The following WDR4 variants were observed in gnomAD, a reference collection of about 807,000 sequenced individuals.
WDR4 encodes tRNA (guanine-N(7)-)-methyltransferase non-catalytic subunit WDR4.
In WDR4, 47 loss-of-function variants were observed where a neutral mutation model predicts 48.6. The observed-to-expected ratio is 0.97, with a 90% CI of 0.77 to 1.23. The LOEUF is 1.23. WDR4 is among the 50% of genes most tolerant of loss of function. WDR4 has a pLI of 0.00. For synonymous variants in WDR4, 268 were observed against 230.0 expected (o/e 1.17, Z -1.49); for missense variants, 606 against 551.6 (o/e 1.10, Z -0.99).
the WDR4 span, among the ~76,000 whole-genome samples, chr21:42,891,278 C>T: frequency 6.6e-6 from 1 of 151,612 alleles, no homozygotes; most frequent in African/African-American, 2.4e-5. Flanking sequence ...GCCGAGATTG[C>T]CCCTGCGCCA....
At position 42,859,679 on chromosome 21, in the gene WDR4, G is replaced by A. The variant is rs199879005; in HGVS notation, c.610C>T (p.Leu204Phe). 1.4e-5 allele frequency: 21 copies of A among 1,505,744 alleles called. No homozygotes were observed. Among genetic ancestry groups the A allele is most frequent in the African/African-American group, 7.1e-5 (5 of 70,402 alleles). The allele number at this position is 1,505,744 out of a possible 1,614,324, so 93.3% of individuals were successfully genotyped here. Residue 204 changes from leucine to phenylalanine, a missense_variant, in exon 6 of 11, where the codon CTT (leucine) becomes TTT (phenylalanine). Transcript: ENST00000398208. ...ACACTTACCCCAGAGGAGGACAGAA[G>A]CAGCCCGGGCTGAGTTGGCACCACG... is the stretch of plus-strand genomic sequence containing the variant. ...ISVVPTQPGL[L>F]LSSSGDGTLR...
At chr21:42,846,718 G>C (rs2057714031), downstream of WDR4, among the ~76,000 whole-genome samples, 1 of 151,996 alleles carries the variant, frequency 6.6e-6, no homozygotes, top group Non-Finnish European at 1.5e-5. Context: ...CTGGAAGAAA[G>C]TGCTTAGAAT....
In WDR4 at chr21:42,853,799, G is replaced by A. The variant is rs375285955; in HGVS notation, c.792-47C>T. 139 of 1,519,502 alleles carry A rather than the reference G, an allele frequency of 9.1e-5. No individual in the cohort carries two copies. In the African/African-American group the frequency reaches 1.7e-3, roughly 19 times the overall value. 94.1% of individuals were successfully genotyped at this position (1,519,502 alleles called of 1,614,324 possible). A position where few individuals can be genotyped will look rare whatever the true frequency, so the allele number is the denominator to read the frequency against. ...ATGATTACTAGGACTGCAGGCCCAC[G>A]GGCTCCGCTCTGCAGCCAGCACCCC... On this transcript the variant is annotated intron_variant, in intron 8 of 10. Transcript: ENST00000398208.
chr21:42,889,937 C>A, the WDR4 span, among the ~76,000 whole-genome samples: 1 of 151,996 alleles, frequency 6.6e-6, no homozygotes, highest in Non-Finnish European at 1.5e-5. Flanking sequence ...CAATTTTAGG[C>A]CCATGTGCAA....
At chr21:42,859,551 C>A in intron 6 of WDR4, 111 bp downstream of exon 6, 3 of 624,882 alleles carry the variant, frequency 4.8e-6, no homozygotes, top group South Asian at 2.0e-5. Context: ...TGGACAGCCA[C>A]AGCCAGCCAG....
In WDR4 at chr21:42,854,634, GAGA is replaced by G. The variant is rs762681235; in HGVS notation, c.727-11_727-9del. 16 of 1,613,054 alleles carry G rather than the reference GAGA, an allele frequency of 9.9e-6. No individual in the cohort carries two copies. The highest frequency in any genetic ancestry group is 1.6e-4 in the Middle Eastern group (1 of 6,080). ...CCTGGACGCGGCAAACTTCTAAAAG[GAGA>G]AGAAGCCCATTAACTTCACGCCACC... On this transcript the variant is annotated splice_polypyrimidine_tract_variant and intron_variant, in intron 7 of 10. Transcript: ENST00000398208.
intron 2 of WDR4, 22 bp from the exon 3 acceptor site, chr21:42,873,713 C>T (rs2058425978): frequency 2.5e-6 from 4 of 1,608,326 alleles, no homozygotes; most frequent in South Asian, 1.1e-5. Flanking sequence ...AGGAGGAAGA[C>T]GGTTAAGCTT....
chr21:42,859,218 G>C (rs1006337443), intron 6 of WDR4, among the ~76,000 whole-genome samples: 2 of 151,198 alleles, frequency 1.3e-5, no homozygotes, highest in Admixed American at 6.6e-5. Flanking sequence ...TTTGAAACCA[G>C]CCTGAAAAAT....
chr21:42,868,827 T>A (rs188277068), intron 3 of WDR4, among the ~76,000 whole-genome samples: 1 of 152,234 alleles, frequency 6.6e-6, no homozygotes, highest in East Asian at 1.9e-4. Context: ...TTGTCACACA[T>A]TGGTGCCAGT....
At chr21:42,860,844 C>G (rs1257735435) in intron 5 of WDR4, among the ~76,000 whole-genome samples, 2 of 152,222 alleles carry the variant, frequency 1.3e-5, no homozygotes, top group African/African-American at 4.8e-5. Context: ...CACACACCAA[C>G]AGGCCCAACA....
At chr21:42,885,119 T>C in the WDR4 span, among the ~76,000 whole-genome samples, 1 of 152,154 alleles carries the variant, frequency 6.6e-6, no homozygotes, top group Non-Finnish European at 1.5e-5. Context: ...CATTGAACTG[T>C]TATATTCTAC....
chr21:42,879,621 G>T, upstream of WDR4: 1 of 1,203,672 alleles, frequency 8.3e-7, no homozygotes, highest in Non-Finnish European at 1.2e-6. Context: ...GCATGCTCAA[G>T]GACGAGCCTG....
At chr21:42,855,859 G>A (rs2057976981) in intron 6 of WDR4, 79 bp from the exon 7 acceptor site, 1 of 1,211,350 alleles carries the variant, frequency 8.3e-7, no homozygotes, top group Admixed American at 2.5e-5. Flanking sequence ...ACAGCTGCGT[G>A]TGGTCGGGGT....
chr21:42,847,776 C>T (rs143825992), downstream of WDR4, among the ~76,000 whole-genome samples: 127 of 152,346 alleles, frequency 8.3e-4, 1 homozygote, highest in Non-Finnish European at 1.5e-3. Context: ...AAAAGCCATT[C>T]ACAGGCCATC....
intron 8 of WDR4, 72 bp downstream of exon 8, chr21:42,854,490 T>C (rs1163325154): frequency 6.0e-6 from 9 of 1,510,252 alleles, no homozygotes; most frequent in Non-Finnish European, 8.0e-6. Flanking sequence ...CGTGGGCCAG[T>C]GGCCAACCCG....
Position 42,876,704 on chromosome 21 carries a change from T to G in WDR4, c.153A>C (p.Lys51Asn). Residue 51 changes from lysine to asparagine, a missense_variant and splice_region_variant, in exon 2 of 11, where the codon AAA becomes AAC. Lys to Asn is a moderately conservative substitution (Grantham distance 94). Coordinates refer to ENST00000398208, the MANE Select transcript of WDR4 (RefSeq NM_018669.6). ...GAAAAAGCTTCCCCACATCTCACCC[T>G]TTATTTTCTTGTGACTTCTTTTCTG... ...SAAEKKSQENKGEDAPLDQGS... is the reference protein window; with the variant it reads ...SAAEKKSQENNGEDAPLDQGS... 6.2e-7 allele frequency: 1 copy of G among 1,613,608 alleles called. No individual in the cohort carries two copies. The highest frequency in any genetic ancestry group is 1.1e-5 in the South Asian group (1 of 90,942).
chr21:42,868,253 G>C (rs1422936260), intron 3 of WDR4, among the ~76,000 whole-genome samples: 1 of 152,210 alleles, frequency 6.6e-6, no homozygotes, highest in Non-Finnish European at 1.5e-5. Context: ...TTAGGAACCA[G>C]GACACAGCGG....
At chr21:42,848,182 A>C (rs73366792), downstream of WDR4, among the ~76,000 whole-genome samples, 857 of 152,304 alleles carry the variant, frequency 5.6e-3, 5 homozygotes, top group African/African-American at 0.02. Context: ...GCCAGCATGA[A>C]CCTGTTCCTG....
intron 3 of WDR4, among the ~76,000 whole-genome samples, chr21:42,871,768 G>GT (rs1437887992): frequency 6.6e-6 from 1 of 152,152 alleles, no homozygotes; most frequent in Admixed American, 6.6e-5. Flanking sequence ...ATTTTGTTGT[G>GT]TTTTAAGTTT....
Sources: allele counts gnomAD v4.1 joint callset (sites outside exome capture counted in the v4.1 genomes callset), GRCh38; gene constraint gnomAD v4.1.1; transcripts MANE v1.5; gene names NCBI Gene and HGNC (gene_info 2026-07-23, HGNC 2026-07-21).